The following FAM178B variants were observed in gnomAD, a reference collection of about 807,000 sequenced individuals.
FAM178B encodes family with sequence similarity 178 member B.
Under a neutral mutation model 91.7 loss-of-function variants are expected in FAM178B, and 82 were observed. That is an observed-to-expected ratio of 0.89 (90% CI 0.75 to 1.07). The LOEUF is 1.07. Ranked by LOEUF, FAM178B falls within the 50% of genes least tolerant of loss-of-function variation. The pLI is 0.00. For synonymous variants in FAM178B, 368 were observed against 359.4 expected (o/e 1.02, Z -0.27); for missense variants, 769 against 846.7 (o/e 0.91, Z 1.14).
intron 13 of FAM178B, among the ~76,000 whole-genome samples, chr2:96,896,855 A>G (rs895222027): frequency 3.3e-5 from 5 of 152,068 alleles, no homozygotes; most frequent in African/African-American, 1.2e-4. Flanking sequence ...CACCTGCCCA[A>G]GTTCCCATCT....
chr2:96,928,570 C>A (rs1044590429), intron 9 of FAM178B, among the ~76,000 whole-genome samples: 1 of 152,094 alleles, frequency 6.6e-6, no homozygotes, highest in South Asian at 2.1e-4. Context: ...AGGTAACGGG[C>A]CAAACAAGCG....
At chr2:96,895,844 A>C (rs2080811938) in intron 13 of FAM178B, among the ~76,000 whole-genome samples, 2 of 152,174 alleles carry the variant, frequency 1.3e-5, no homozygotes, top group South Asian at 2.1e-4. Flanking sequence ...CCTGCTCAGC[A>C]CATCAGCCGG....
chr2:96,981,966 G>C (rs1008137469), intron 1 of FAM178B, among the ~76,000 whole-genome samples: 3 of 151,780 alleles, frequency 2.0e-5, no homozygotes, highest in Non-Finnish European at 4.4e-5. Flanking sequence ...TACTTGGGAG[G>C]CTGAGTGGGA....
At chr2:96,878,115 A>G in intron 15 of FAM178B, 73 bp from the exon 16 acceptor site, 2 of 1,530,758 alleles carry the variant, frequency 1.3e-6, no homozygotes, top group Non-Finnish European at 1.8e-6. Flanking sequence ...GCAGGAGGAG[A>G]ACAAATTCAG....
At chr2:96,977,892 G>A (rs768387155) in intron 1 of FAM178B, 1 of 449,562 alleles carries the variant, frequency 2.2e-6, no homozygotes, top group South Asian at 1.6e-5. Context: ...ACGAAGCCCA[G>A]GGCACTCTGC....
chr2:96,929,108 T>C lies in FAM178B; in HGVS notation c.1193+98A>G, dbSNP rs2081497753. ...GGGAGGTGGAGGCCGCAGTGAGCTA[T>C]GATTATACCCCTGTATTCCAGTTCT... is the stretch of plus-strand genomic sequence containing the variant. On this transcript the variant is annotated intron_variant, in intron 9 of 16. Transcript: ENST00000490605. The C allele has an allele frequency of 2.9e-5, 25 of 872,678 alleles. No homozygotes were observed. The South Asian group carries it at 3.4e-4, about 12-fold the overall frequency. The allele number at this position is 872,678 out of a possible 1,614,324, so 54.1% of individuals were successfully genotyped here. A position where few individuals can be genotyped will look rare whatever the true frequency, so the allele number is the denominator to read the frequency against.
At chr2:96,902,145 GC>G (rs1249823389) in intron 13 of FAM178B, among the ~76,000 whole-genome samples, 1 of 145,612 alleles carries the variant, frequency 6.9e-6, no homozygotes, top group Non-Finnish European at 1.5e-5. Flanking sequence ...TCGCTCTGTC[GC>G]CCAGGCTGGA....
intron 8 of FAM178B, among the ~76,000 whole-genome samples, chr2:96,932,121 C>T (rs1235635960): frequency 6.6e-6 from 1 of 152,198 alleles, no homozygotes; most frequent in Non-Finnish European, 1.5e-5. Flanking sequence ...GTTGGAACCT[C>T]CCGCCAGCAG....
At chr2:96,921,072 T>G in intron 12 of FAM178B, 93 bp downstream of exon 12, 1 of 1,017,256 alleles carries the variant, frequency 9.8e-7, no homozygotes, top group Non-Finnish European at 1.5e-6. Context: ...GCAGGGGAGG[T>G]TTGTTGGGGC....
intron 14 of FAM178B, among the ~76,000 whole-genome samples, chr2:96,884,823 C>T (rs1023162906): frequency 1.3e-5 from 2 of 152,194 alleles, no homozygotes; most frequent in Non-Finnish European, 2.9e-5. Context: ...AGGGCGGTAT[C>T]GAAAGCTCTG....
At chr2:96,935,881 G>A (rs982261495) in intron 8 of FAM178B, among the ~76,000 whole-genome samples, 24 of 151,268 alleles carry the variant, frequency 1.6e-4, no homozygotes, top group African/African-American at 5.6e-4. Context: ...GGTGATCCAC[G>A]TGCCTCGGCT....
At chr2:96,931,936 C>G (rs1215992693) in intron 8 of FAM178B, among the ~76,000 whole-genome samples, 2 of 151,626 alleles carry the variant, frequency 1.3e-5, no homozygotes, top group Non-Finnish European at 2.9e-5. Flanking sequence ...CACAAACGAG[C>G]TGGGAAGAAT....
intron 13 of FAM178B, chr2:96,897,869 C>T (rs1436731895): frequency 1.3e-6 from 1 of 789,418 alleles, no homozygotes; most frequent in African/African-American, 1.9e-5. Context: ...AAGTCAAAAC[C>T]CTCACCGTAG....
rs913499195 is a variant in FAM178B, at chr2:96,921,763, C to G, written c.1288-109G>C. The G allele has an allele frequency of 7.8e-6, 9 of 1,153,804 alleles. No homozygotes were observed. The African/African-American group carries it at 1.2e-4, about 16-fold the overall frequency. 71.5% of individuals were successfully genotyped at this position (1,153,804 alleles called of 1,614,324 possible). The stretch of plus-strand genomic sequence containing the variant: ...TAGGCAGAAGGGATGGTACTGTGAG[C>G]CCCGCGGCCATGTTGGGTAGGAGCT... On this transcript the variant is annotated intron_variant, in intron 10 of 16. Coordinates refer to ENST00000490605, the MANE Select transcript of FAM178B (RefSeq NM_001122646.3).
chr2:96,977,837 C>T (rs1489120668), intron 1 of FAM178B: 3 of 455,402 alleles, frequency 6.6e-6, no homozygotes, highest in Non-Finnish European at 1.3e-5. Context: ...TCTACTCCAG[C>T]GTTGACGGTT....
intron 9 of FAM178B, among the ~76,000 whole-genome samples, chr2:96,928,820 G>A (rs896923214): frequency 1.3e-4 from 20 of 152,182 alleles, no homozygotes; most frequent in Non-Finnish European, 2.8e-4. Context: ...CTACACATGG[G>A]ATACAGCCTG....
At chr2:96,986,123 G>T in intron 1 of FAM178B, 118 bp downstream of exon 1, 1 of 1,479,750 alleles carries the variant, frequency 6.8e-7, no homozygotes, top group Non-Finnish European at 8.9e-7. Context: ...AGAGTAGCCC[G>T]GCGGCCGCAC....
intron 13 of FAM178B, among the ~76,000 whole-genome samples, chr2:96,901,169 CTTTT>C (rs1301875666): frequency 7.1e-6 from 1 of 140,330 alleles, no homozygotes; most frequent in Admixed American, 6.9e-5. Flanking sequence ...AGGCTGAATT[CTTTT>C]TTCTTTTTTT....
chr2:96,915,589 G>A (rs544859427), intron 12 of FAM178B, among the ~76,000 whole-genome samples: 52 of 151,604 alleles, frequency 3.4e-4, no homozygotes, highest in African/African-American at 1.1e-3. Flanking sequence ...AGGGCGAGGC[G>A]GGCAGATCAC....
Sources: gnomAD v4.1 joint callset for allele counts (sites outside exome capture counted in the v4.1 genomes callset) on GRCh38, gnomAD v4.1.1 for gene constraint, MANE v1.5 for transcripts, NCBI Gene and HGNC (gene_info 2026-07-23, HGNC 2026-07-21) for gene names.